The following FAR2 variants were observed in gnomAD, a reference collection of about 807,000 sequenced individuals.
The protein encoded by FAR2 is epididymis secretory protein Li 81.
In FAR2, 19 loss-of-function variants were observed where a neutral mutation model predicts 56.0. The observed-to-expected ratio is 0.34, with a 90% CI of 0.24 to 0.50. The LOEUF is 0.50. Among genes scored for constraint, FAR2 ranks in the 20% least tolerant of loss-of-function variants. FAR2 has a pLI of 0.98. For synonymous variants in FAR2, 219 were observed against 218.8 expected (o/e 1.00, Z -0.01); for missense variants, 508 against 642.2 (o/e 0.79, Z 2.26).
intron 1 of FAR2, among the ~76,000 whole-genome samples, chr12:29,236,192 A>G (rs1479231921): frequency 3.9e-5 from 6 of 152,214 alleles, no homozygotes; most frequent in Non-Finnish European, 8.8e-5. Flanking sequence ...AATAAAAACA[A>G]AACAAAATAA....
intron 2 of FAR2, among the ~76,000 whole-genome samples, chr12:29,272,110 T>C (rs1948628485): frequency 6.6e-6 from 1 of 152,220 alleles, no homozygotes; most frequent in Admixed American, 6.5e-5. Flanking sequence ...TTTGTTTTCT[T>C]GGGGTTGATC....
intron 1 of FAR2, among the ~76,000 whole-genome samples, chr12:29,159,866 T>C (rs1949766195): frequency 6.6e-6 from 1 of 152,226 alleles, no homozygotes; most frequent in African/African-American, 2.4e-5. Flanking sequence ...GAAGAAGTTA[T>C]GAAGTTTCCA....
chr12:29,218,422 T>C (rs955765986), intron 1 of FAR2, among the ~76,000 whole-genome samples: 1 of 151,198 alleles, frequency 6.6e-6, no homozygotes, highest in African/African-American at 2.4e-5. Context: ...TCTGTGAACT[T>C]GAAGGTGTAT....
intron 1 of FAR2, among the ~76,000 whole-genome samples, chr12:29,188,655 G>A (rs1591839401): frequency 6.6e-6 from 1 of 152,032 alleles, no homozygotes; most frequent in South Asian, 2.1e-4. Flanking sequence ...TCCTTTTTCT[G>A]TTCCAGGATC....
At position 29,308,705 on chromosome 12, in the gene FAR2, C is replaced by CATATATATAT. The variant is rs1489134888; in HGVS notation, c.724-480_724-479insTATATATATA. 8.5e-4 allele frequency among the ~76,000 whole-genome samples: 113 copies of CATATATATAT among 132,582 alleles called. 3 individuals carry two copies. The highest frequency in any genetic ancestry group is 3.9e-3 in the African/African-American group (111 of 28,190). The allele number at this position is 132,582 out of a possible 152,430, so 87.0% of individuals were successfully genotyped here. A position where few individuals can be genotyped will look rare whatever the true frequency, so the allele number is the denominator to read the frequency against. ...AGACACACAGACACACACACACACA[C>CATATATATAT]ACACACACACACACATATATATATA... On this transcript the variant is annotated intron_variant, in intron 5 of 11. Coordinates refer to ENST00000536681, the MANE Select transcript of FAR2 (RefSeq NM_001271783.2).
intron 1 of FAR2, among the ~76,000 whole-genome samples, chr12:29,183,819 A>T (rs981867317): frequency 6.6e-6 from 1 of 152,214 alleles, no homozygotes; most frequent in Non-Finnish European, 1.5e-5. Context: ...TCATTCATTT[A>T]TCAAGCACAA....
intron 2 of FAR2, among the ~76,000 whole-genome samples, chr12:29,279,003 G>A (rs1169449343): frequency 6.6e-6 from 1 of 152,112 alleles, no homozygotes; most frequent in Non-Finnish European, 1.5e-5. Context: ...ATTAGTAAAA[G>A]CAAAAAGCTT....
At chr12:29,175,570 T>G (rs1034518754) in intron 1 of FAR2, among the ~76,000 whole-genome samples, 2 of 152,248 alleles carry the variant, frequency 1.3e-5, no homozygotes, top group Non-Finnish European at 2.9e-5. Context: ...TTTTATTCCC[T>G]TATTTGTCCC....
intron 1 of FAR2, among the ~76,000 whole-genome samples, chr12:29,211,148 A>C (rs1206498046): frequency 6.6e-6 from 1 of 151,852 alleles, no homozygotes; most frequent in African/African-American, 2.4e-5. Context: ...CTTGTGGACC[A>C]GGTGCGGTGG....
In FAR2 at chr12:29,330,560, T is replaced by G. The variant is rs531179803; in HGVS notation, c.1258-2040T>G. ...GGTTTTCTGTGATTAAAATATAACATTTAATTTGCATATAAAGGAGAAAGA... is the reference window on the plus strand; with the variant it reads ...GGTTTTCTGTGATTAAAATATAACAGTTAATTTGCATATAAAGGAGAAAGA... On this transcript the variant is annotated intron_variant, in intron 10 of 11. Transcript: ENST00000536681. Among the ~76,000 whole-genome samples, 30 of 152,316 alleles carry G rather than the reference T, an allele frequency of 2.0e-4. No individual in the cohort carries two copies. In the South Asian group the frequency reaches 4.1e-3, roughly 21 times the overall value.
At chr12:29,249,468 A>G (rs1483950846) in intron 1 of FAR2, among the ~76,000 whole-genome samples, 1 of 152,252 alleles carries the variant, frequency 6.6e-6, no homozygotes, top group Non-Finnish European at 1.5e-5. Context: ...TAAGAACCCA[A>G]AGGGAAAATA....
At chr12:29,262,990 TTATAGC>T (rs1332907749) in intron 1 of FAR2, among the ~76,000 whole-genome samples, 5 of 152,042 alleles carry the variant, frequency 3.3e-5, no homozygotes, top group Admixed American at 6.6e-5. Flanking sequence ...AAAATAACAC[TTATAGC>T]TATATTTATA....
intron 1 of FAR2, among the ~76,000 whole-genome samples, chr12:29,173,687 G>T (rs531474549): frequency 4.6e-5 from 7 of 152,102 alleles, no homozygotes; most frequent in Non-Finnish European, 8.8e-5. Context: ...AGGGTAAGCC[G>T]GTTGATACCT....
chr12:29,251,753 G>C (rs1046160603), intron 1 of FAR2, among the ~76,000 whole-genome samples: 7 of 152,134 alleles, frequency 4.6e-5, no homozygotes, highest in Non-Finnish European at 8.8e-5. Flanking sequence ...TTCTTGGAAA[G>C]ATTAGAGACC....
At chr12:29,203,547 G>A (rs1947440126) in intron 1 of FAR2, among the ~76,000 whole-genome samples, 1 of 152,140 alleles carries the variant, frequency 6.6e-6, no homozygotes, top group South Asian at 2.1e-4. Context: ...GGCCTGTATG[G>A]TCATCCACCT....
chr12:29,311,666 T>TCTCACACACA (rs1555123662), intron 7 of FAR2, among the ~76,000 whole-genome samples: 48 of 147,526 alleles, frequency 3.3e-4, no homozygotes, highest in East Asian at 1.8e-3. Context: ...AACATCTCTT[T>TCTCACACACA]CACACACACA....
intron 1 of FAR2, among the ~76,000 whole-genome samples, chr12:29,258,154 A>T (rs1246878250): frequency 6.7e-6 from 1 of 149,844 alleles, no homozygotes; most frequent in Non-Finnish European, 1.5e-5. Flanking sequence ...GACTAGCCTG[A>T]CCAACAAGGT....
chr12:29,253,529 C>T (rs1361471850), intron 1 of FAR2, among the ~76,000 whole-genome samples: 1 of 151,816 alleles, frequency 6.6e-6, no homozygotes, highest in African/African-American at 2.4e-5. Context: ...CAATGATAAT[C>T]TATTTGAAAA....
chr12:29,247,825 G>T (rs1268512639), intron 1 of FAR2, among the ~76,000 whole-genome samples: 4 of 152,170 alleles, frequency 2.6e-5, no homozygotes, highest in South Asian at 2.1e-4. Flanking sequence ...TATTTTTCAT[G>T]CCATAGTAGT....
Sources: allele counts gnomAD v4.1 joint callset (sites outside exome capture counted in the v4.1 genomes callset), GRCh38; gene constraint gnomAD v4.1.1; transcripts MANE v1.5; gene names NCBI Gene and HGNC (gene_info 2026-07-23, HGNC 2026-07-21).